KCTD10: variants seen among roughly 807,000 people sequenced by gnomAD.
The protein encoded by KCTD10 is BTB/POZ domain-containing adapter for CUL3-mediated RhoA degradation protein 3.
Under a neutral mutation model 34.6 loss-of-function variants are expected in KCTD10, and 13 were observed. The observed-to-expected ratio is 0.38, with a 90% confidence interval of 0.24 to 0.60. The LOEUF (loss-of-function observed/expected upper bound fraction) is 0.60, where lower values mean the gene tolerates loss of function less well. KCTD10 is among the 20% of genes least tolerant of loss of function. The pLI is 0.66. For synonymous variants in KCTD10, 156 were observed against 168.8 expected (o/e 0.92, Z 0.59); for missense variants, 256 against 420.3 (o/e 0.61, Z 3.42).
chr12:109,457,368 T>C (rs1027011775), intron 5 of KCTD10: 1 of 365,694 alleles, frequency 2.7e-6, no homozygotes, highest in Non-Finnish European at 4.9e-6. Context: ...ATAGTCGTTA[T>C]GGCCTCACAA....
At chr12:109,470,150 G>C in intron 1 of KCTD10, 1 of 1,004,930 alleles carries the variant, frequency 1.0e-6, no homozygotes, top group Non-Finnish European at 1.2e-6. Flanking sequence ...CCCTAAAACA[G>C]CCTAAAGCAC....
At chr12:109,453,328 T>C (rs1274542101) in intron 6 of KCTD10, among the ~76,000 whole-genome samples, 1 of 152,002 alleles carries the variant, frequency 6.6e-6, no homozygotes, top group Non-Finnish European at 1.5e-5. Context: ...TAGTTTAGAC[T>C]ACAGGCACAC....
At chr12:109,464,767 C>T (rs1258423618) in intron 2 of KCTD10, 1 of 451,274 alleles carries the variant, frequency 2.2e-6, no homozygotes, top group Non-Finnish European at 4.4e-6. Flanking sequence ...AAACAAGGTA[C>T]CATATCATAC....
chr12:109,463,257 C>T (rs961751909), intron 2 of KCTD10, among the ~76,000 whole-genome samples: 2 of 152,150 alleles, frequency 1.3e-5, no homozygotes, highest in Admixed American at 6.5e-5. Context: ...GCCCAGAGTT[C>T]CCATAAATGA....
At chr12:109,469,384 G>C in intron 2 of KCTD10, 131 bp downstream of exon 2, 1 of 1,044,010 alleles carries the variant, frequency 9.6e-7, no homozygotes, top group Non-Finnish European at 1.4e-6. Context: ...ACCAAGTCAA[G>C]ATGGTGGGAG....
chr12:109,469,242 G>A (rs1873752861), intron 2 of KCTD10: 1 of 394,128 alleles, frequency 2.5e-6, no homozygotes, highest in Non-Finnish European at 4.6e-6. Context: ...GGGAGGACAA[G>A]GGTCCAGGGA....
chr12:109,470,216 G>C (rs1430738535), intron 1 of KCTD10: 1 of 986,326 alleles, frequency 1.0e-6, no homozygotes, highest in East Asian at 1.1e-4. Flanking sequence ...AGCTAGCTAA[G>C]TGTCATTTTT....
chr12:109,465,058 C>T (rs768324702), intron 2 of KCTD10, among the ~76,000 whole-genome samples: 1 of 152,188 alleles, frequency 6.6e-6, no homozygotes, highest in African/African-American at 2.4e-5. Context: ...TGATTGTCTA[C>T]GTGCCCCATG....
At chr12:109,461,310 G>A (rs1873313848) in intron 2 of KCTD10, among the ~76,000 whole-genome samples, 1 of 152,186 alleles carries the variant, frequency 6.6e-6, no homozygotes, top group African/African-American at 2.4e-5. Context: ...TGACTCCCAA[G>A]GCTGAGCCCT....
At chr12:109,453,811 T>C (rs907921352) in intron 6 of KCTD10, among the ~76,000 whole-genome samples, 6 of 152,150 alleles carry the variant, frequency 3.9e-5, no homozygotes, top group Non-Finnish European at 7.4e-5. Context: ...TGTGAAGTTG[T>C]ATATGAACTC....
chr12:109,463,761 GT>G (rs1873463518), intron 2 of KCTD10, among the ~76,000 whole-genome samples: 1 of 152,214 alleles, frequency 6.6e-6, no homozygotes, highest in African/African-American at 2.4e-5. Flanking sequence ...CTGTCTAGCA[GT>G]TTTCTCTTCT....
intron 6 of KCTD10, among the ~76,000 whole-genome samples, chr12:109,455,316 C>T (rs973161975): frequency 6.6e-6 from 1 of 151,886 alleles, no homozygotes; most frequent in Non-Finnish European, 1.5e-5. Flanking sequence ...AGCTGATGGC[C>T]CTTGACGTGG....
intron 1 of KCTD10, among the ~76,000 whole-genome samples, chr12:109,477,012 A>G (rs1353412426): frequency 6.6e-6 from 1 of 152,054 alleles, no homozygotes; most frequent in African/African-American, 2.4e-5. Flanking sequence ...CTACTCCGCA[A>G]GCCCAAATGT....
intron 1 of KCTD10, chr12:109,471,205 A>G (rs1164571361): frequency 2.0e-6 from 2 of 985,398 alleles, no homozygotes; most frequent in Non-Finnish European, 2.4e-6. Context: ...GTAAAACACA[A>G]ACGTTATTTT....
chr12:109,460,914 G>C lies in KCTD10; in HGVS notation c.218-109C>G. On this transcript the variant is annotated intron_variant, in intron 2 of 6. Transcript: ENST00000228495. This position sits in a 1 kb window ranked among gnomAD's most constrained non-coding sequence, Gnocchi z 4.5. ...CCCTCTACCTCCCAGCGGAGAGCGG[G>C]ACTGCCTGGAGAATGGCAGCCTCAC... 8.9e-7 allele frequency: 1 copy of C among 1,126,268 alleles called. No homozygotes were observed. Among genetic ancestry groups the C allele is most frequent in the Non-Finnish European group, 1.3e-6 (1 of 793,438 alleles). The allele number at this position is 1,126,268 out of a possible 1,614,324, so 69.8% of individuals were successfully genotyped here.
In KCTD10 at chr12:109,451,626, C is replaced by T. The variant is rs993127001; in HGVS notation, c.911G>A (p.Arg304His). The stretch of plus-strand genomic sequence containing the variant: ...GTGGAGGTGGGCCCGGTCATCAGGG[C>T]GCTTGATGTGGATCCTCCGCACGCG... ...IERVRRIHIKRPDDRAHLHQ is the reference protein window; with the variant it reads ...IERVRRIHIKHPDDRAHLHQ Residue 304 changes from arginine (R) to histidine (H), a missense_variant, in exon 7 of 7, where the codon CGC becomes CAC. Physicochemically the swap from Arg to His is conservative, Grantham distance 29. This residue lies in a region of KCTD10 where 60 missense variants were observed against 89.0 expected (regional missense o/e 0.67). Transcript: ENST00000228495. This position sits in a 1 kb window ranked among gnomAD's most constrained non-coding sequence, Gnocchi z 5.0. 5 of 1,610,340 alleles carry T rather than the reference C, an allele frequency of 3.1e-6. No homozygotes were observed. Among genetic ancestry groups the T allele is most frequent in the African/African-American group, 1.3e-5 (1 of 74,862 alleles).
intron 2 of KCTD10, among the ~76,000 whole-genome samples, chr12:109,465,081 C>CTGGG (rs1005362717): frequency 1.7e-4 from 26 of 152,282 alleles, no homozygotes; most frequent in Admixed American, 5.9e-4. Context: ...GTGGCAAAGG[C>CTGGG]TGGGCAGCAT....
intron 1 of KCTD10, among the ~76,000 whole-genome samples, chr12:109,474,413 A>G (rs1458348438): frequency 6.6e-6 from 1 of 152,160 alleles, no homozygotes; most frequent in Non-Finnish European, 1.5e-5. Context: ...TCCCCTGAAT[A>G]TAATGTTGCT....
intron 6 of KCTD10, among the ~76,000 whole-genome samples, chr12:109,452,844 C>CTTTTTTTTT (rs1872844332): frequency 6.2e-5 from 4 of 64,274 alleles, no homozygotes; most frequent in African/African-American, 1.9e-4. Flanking sequence ...GGTTTTCTTT[C>CTTTTTTTTT]CTTTTTTTTT....
Sources: allele counts gnomAD v4.1 joint callset (sites outside exome capture counted in the v4.1 genomes callset), GRCh38; gene constraint gnomAD v4.1.1; regional missense constraint gnomAD v4.1.1; non-coding constraint Gnocchi (gnomAD v3.1); transcripts MANE v1.5; gene names NCBI Gene and HGNC (gene_info 2026-07-23, HGNC 2026-07-21).